FGD2: variants seen among roughly 807,000 people sequenced by gnomAD.
FGD2 encodes the protein FYVE, RhoGEF and PH domain containing 2, also known as FYVE, RhoGEF and PH domain-containing protein 2.
FGD2 carries 52 observed loss-of-function variants against 75.9 expected under a neutral mutation model. The ratio of observed to expected loss-of-function variants is 0.69; its 90% confidence interval spans 0.55 to 0.86. The LOEUF is 0.86. Ranked by LOEUF, FGD2 falls within the 40% of genes least tolerant of loss-of-function variation. The pLI is 0.00. For missense variants in FGD2, 790 were observed against 872.0 expected (o/e 0.91, Z 1.18); for synonymous variants, 347 against 348.6 (o/e 1.00, Z 0.05).
rs1419804345 is a variant in FGD2 at position 37,028,243 on chromosome 6, T to A, written c.*80T>A. On this transcript the variant is annotated 3_prime_UTR_variant, in exon 16 of 16. Coordinates refer to ENST00000274963, the MANE Select transcript of FGD2 (RefSeq NM_173558.4). ...CCACAGACTGACCCTGTGGCCTCAG[T>A]GACCCACTGCCCCAAGTGGTGCTTT... The A allele has an allele frequency of 1.5e-6, 2 of 1,334,638 alleles. No individual in the cohort carries two copies. Among genetic ancestry groups the A allele is most frequent in the African/African-American group, 1.5e-5 (1 of 68,038 alleles). 82.7% of individuals were successfully genotyped at this position (1,334,638 alleles called of 1,614,324 possible).
In FGD2 at chr6:37,005,812, G is replaced by A. The variant is rs777515412; in HGVS notation, c.-6G>A. 83 of 1,613,486 alleles carry A rather than the reference G, an allele frequency of 5.1e-5. 1 individual carries two copies. The Middle Eastern group carries it at 8.2e-4, about 16-fold the overall frequency. On this transcript the variant is annotated 5_prime_UTR_variant, in exon 1 of 16. Transcript: ENST00000274963. Reference sequence around the variant, plus strand: ...GTAGCTGAGATCCACCCCGGAAACCGGCAGGATGAAGGGGGCAAGTGAGGA... The same window carrying A: ...GTAGCTGAGATCCACCCCGGAAACCAGCAGGATGAAGGGGGCAAGTGAGGA...
At chr6:37,010,667 C>T (rs180686586) in intron 2 of FGD2, among the ~76,000 whole-genome samples, 1 of 152,284 alleles carries the variant, frequency 6.6e-6, no homozygotes, top group African/African-American at 2.4e-5. Flanking sequence ...CTCCACGTGG[C>T]CTGTCCATGA....
At chr6:37,017,693 C>T (rs1032675317) in intron 9 of FGD2, among the ~76,000 whole-genome samples, 1 of 152,186 alleles carries the variant, frequency 6.6e-6, no homozygotes, top group Admixed American at 6.5e-5. Context: ...TCCTATTCAG[C>T]ATCACCCCTA....
intron 9 of FGD2, among the ~76,000 whole-genome samples, chr6:37,016,453 G>A (rs914699025): frequency 2.0e-5 from 3 of 152,108 alleles, no homozygotes; most frequent in African/African-American, 7.2e-5. Context: ...AGCAGGGCCA[G>A]TAGTCCATGA....
rs73730511 is a variant in FGD2, at chr6:37,008,878, A to G, written c.113A>G (p.His38Arg). 1,091 of 1,612,944 alleles carry G rather than the reference A, an allele frequency of 6.8e-4. 4 individuals carry two copies. The African/African-American group carries it at 0.012, about 18-fold the overall frequency. Residue 38 changes from histidine to arginine, a missense_variant, in exon 2 of 16, where the codon CAT (histidine) becomes CGT (arginine). Coordinates refer to ENST00000274963, the MANE Select transcript of FGD2 (RefSeq NM_173558.4). ...APRGQRLEDV[H>R]HRPECRPPES... ...AGAGGCCAGAGGCTAGAGGACGTGC[A>G]TCACCGCCCTGAGTGCAGGCCTCCC...
intron 15 of FGD2, 101 bp downstream of exon 15, chr6:37,027,676 TA>T: frequency 6.9e-7 from 1 of 1,442,002 alleles, no homozygotes; most frequent in East Asian, 2.3e-5. Flanking sequence ...ATATGTCAGA[TA>T]GGGAAACTGA....
At position 37,005,744 on chromosome 6, in the gene FGD2, T is replaced by C. The variant is rs2150764232; in HGVS notation, c.-74T>C. On this transcript the variant is annotated 5_prime_UTR_variant, in exon 1 of 16. Coordinates refer to ENST00000274963, the MANE Select transcript of FGD2 (RefSeq NM_173558.4). Reference sequence around the variant, plus strand: ...TTAGCCTATCTGTCCCAGGCCAGCGTGGCTGAGTGTGCTGGCTGGAGGCCT... The same window carrying C: ...TTAGCCTATCTGTCCCAGGCCAGCGCGGCTGAGTGTGCTGGCTGGAGGCCT... 1 of 1,503,404 alleles carries C rather than the reference T, an allele frequency of 6.7e-7. No individual in the cohort carries two copies. The allele number at this position is 1,503,404 out of a possible 1,614,324, so 93.1% of individuals were successfully genotyped here. A position where few individuals can be genotyped will look rare whatever the true frequency, so the allele number is the denominator to read the frequency against.
At chr6:37,008,471 T>C (rs895995421) in intron 1 of FGD2, among the ~76,000 whole-genome samples, 2 of 152,254 alleles carry the variant, frequency 1.3e-5, no homozygotes, top group Middle Eastern at 3.4e-3. Context: ...AGGTTACTGA[T>C]GTGGAAACTG....
chr6:37,006,014 C>A, intron 1 of FGD2, 129 bp downstream of exon 1: 1 of 1,031,994 alleles, frequency 9.7e-7, no homozygotes, highest in Middle Eastern at 3.1e-4. Context: ...GTTCCTCGGT[C>A]ACGGATTCCT....
chr6:37,018,674 C>T (rs182432169), intron 9 of FGD2, among the ~76,000 whole-genome samples: 1 of 152,268 alleles, frequency 6.6e-6, no homozygotes, highest in East Asian at 1.9e-4. Flanking sequence ...ACAAGGATAC[C>T]TCATCTAAGA....
intron 1 of FGD2, among the ~76,000 whole-genome samples, chr6:37,007,392 C>G (rs1390834414): frequency 6.6e-6 from 1 of 152,200 alleles, no homozygotes. Flanking sequence ...AAAGACAGCT[C>G]TTGGGTGCCG....
chr6:37,020,848 G>C, intron 11 of FGD2, 109 bp downstream of exon 11: 1 of 1,443,434 alleles, frequency 6.9e-7, no homozygotes, highest in Non-Finnish European at 9.4e-7. Flanking sequence ...ATTCTCCCTA[G>C]CCTATTTGGG....
At position 37,005,794 on chromosome 6, in the gene FGD2, A is replaced by C; in HGVS notation, c.-24A>C. ...TCTCTCTCTGCTTCGAGGGTAGCTG[A>C]GATCCACCCCGGAAACCGGCAGGAT... On this transcript the variant is annotated 5_prime_UTR_variant, in exon 1 of 16. Coordinates refer to ENST00000274963, the MANE Select transcript of FGD2 (RefSeq NM_173558.4). 2 of 1,612,832 alleles carry C rather than the reference A, an allele frequency of 1.2e-6. No individual in the cohort carries two copies. Among genetic ancestry groups the C allele is most frequent in the Non-Finnish European group, 1.7e-6 (2 of 1,179,592 alleles).
intron 7 of FGD2, 42 bp from the exon 8 acceptor site, chr6:37,014,850 G>A (rs1049063501): frequency 6.2e-7 from 1 of 1,610,754 alleles, no homozygotes; most frequent in Non-Finnish European, 8.5e-7. Flanking sequence ...AAGCAGGTGA[G>A]CCCTGCCCAG....
At chr6:37,006,594 G>C (rs1038259316) in intron 1 of FGD2, among the ~76,000 whole-genome samples, 1 of 152,074 alleles carries the variant, frequency 6.6e-6, no homozygotes, top group African/African-American at 2.4e-5. Flanking sequence ...GTAGCCCTGG[G>C]AGCATGTGTG....
At position 37,015,835 on chromosome 6, in the gene FGD2, C is replaced by G; in HGVS notation, c.1097C>G (p.Thr366Ser). The G allele has an allele frequency of 1.9e-6, 3 of 1,590,804 alleles. No individual in the cohort carries two copies. The highest frequency in any genetic ancestry group is 2.6e-6 in the Non-Finnish European group (3 of 1,169,344). ...GTGGGCGCCCAGTTCCAGGTGAGGA[C>G]CCGCATCGATGTGGCCGGGATGAAG... ...IQVGAQFQVR[T>S]RIDVAGMKVR... Residue 366 changes from threonine (T) to serine (S), a missense_variant, in exon 9 of 16, where the codon ACC becomes AGC. Physicochemically the swap from Thr to Ser is moderately conservative, Grantham distance 58. Coordinates refer to ENST00000274963, the MANE Select transcript of FGD2 (RefSeq NM_173558.4).
At position 37,025,390 on chromosome 6, in the gene FGD2, G is replaced by A. The variant is rs1765768816; in HGVS notation, c.1459-402G>A. The A allele has an allele frequency of 1.5e-5, 3 of 203,508 alleles. No homozygotes were observed. In the South Asian group the frequency reaches 2.8e-4, roughly 19 times the overall value. The allele number at this position is 203,508 out of a possible 1,614,324, so 12.6% of individuals were successfully genotyped here. A position where few individuals can be genotyped will look rare whatever the true frequency, so the allele number is the denominator to read the frequency against. Reference sequence around the variant, plus strand: ...AAGCTGGGCCCTGCTTGCCTGGTGGGGTCTTTGGGAGAGTCAGGTGAGATG... The same window carrying A: ...AAGCTGGGCCCTGCTTGCCTGGTGGAGTCTTTGGGAGAGTCAGGTGAGATG... On this transcript the variant is annotated intron_variant, in intron 13 of 15. Coordinates refer to ENST00000274963, the MANE Select transcript of FGD2 (RefSeq NM_173558.4).
chr6:37,016,090 G>A (rs1347827326), intron 9 of FGD2, among the ~76,000 whole-genome samples: 1 of 152,028 alleles, frequency 6.6e-6, no homozygotes, highest in African/African-American at 2.4e-5. Flanking sequence ...CAGTGCATGA[G>A]CCAGCTTGGC....
Position 37,011,064 on chromosome 6 carries a change from A to G in FGD2, c.378+14A>G. 6.2e-7 allele frequency: 1 copy of G among 1,613,648 alleles called. No individual in the cohort carries two copies. The highest frequency in any genetic ancestry group is 8.5e-7 in the Non-Finnish European group (1 of 1,179,670). ...CTGCTAGACCAGGCCAGTGACCAGG[A>G]CACCCCCCTCTAGAGCCCCAGCCCT... On this transcript the variant is annotated intron_variant, in intron 3 of 15. Transcript: ENST00000274963.
Sources: allele counts gnomAD v4.1 joint callset (sites outside exome capture counted in the v4.1 genomes callset), GRCh38; gene constraint gnomAD v4.1.1; transcripts MANE v1.5; gene names NCBI Gene and HGNC (gene_info 2026-07-23, HGNC 2026-07-21).